Variants in ZNF578 observed in about 807,000 individuals in gnomAD.
ZNF578 encodes zinc finger protein 578.
Under a neutral mutation model 8.3 loss-of-function variants are expected in ZNF578, and 8 were observed. That is an observed-to-expected ratio of 0.96 (90% confidence interval 0.56 to 1.74). ZNF578 has a LOEUF of 1.74. ZNF578 is among the 40% of genes most tolerant of loss of function. The pLI is 0.00. For synonymous variants in ZNF578, 206 were observed against 232.2 expected (o/e 0.89, Z 1.03); for missense variants, 726 against 707.5 (o/e 1.03, Z -0.30).
chr19:52,511,654 A>G lies in ZNF578; in HGVS notation c.1273A>G (p.Lys425Glu). The G allele has an allele frequency of 1.9e-6, 3 of 1,614,084 alleles. No individual in the cohort carries two copies. Among genetic ancestry groups the G allele is most frequent in the Non-Finnish European group, 2.5e-6 (3 of 1,179,968 alleles). ...SRHHRLHTGE[K>E]PYKCNDCGKA... ...TCATCATAGACTTCATACTGGAGAG[A>G]AACCTTACAAGTGTAATGACTGTGG... The change falls in exon 6 of 6, where the codon AAA becomes GAA. Residue 425 changes from lysine (K) to glutamate (E), a missense_variant. Coordinates refer to ENST00000421239, the MANE Select transcript of ZNF578 (RefSeq NM_001099694.2).
chr19:52,508,826 C>T (rs1486545464), intron 5 of ZNF578, among the ~76,000 whole-genome samples: 4 of 148,464 alleles, frequency 2.7e-5, no homozygotes, highest in Non-Finnish European at 5.9e-5. Context: ...CTGATAATCG[C>T]TTTTAGCCAG....
intron 3 of ZNF578, among the ~76,000 whole-genome samples, chr19:52,496,369 A>G (rs1486451505): frequency 4.7e-5 from 7 of 148,726 alleles, no homozygotes; most frequent in African/African-American, 1.5e-4. Flanking sequence ...TCGCTCTGTC[A>G]CCCAGGCTGG....
chr19:52,498,223 C>T (rs1489010971), intron 3 of ZNF578, among the ~76,000 whole-genome samples: 1 of 152,020 alleles, frequency 6.6e-6, no homozygotes, highest in Non-Finnish European at 1.5e-5. Flanking sequence ...GTGACATGAT[C>T]TCAGCTCTCT....
intron 2 of ZNF578, among the ~76,000 whole-genome samples, chr19:52,463,560 A>AGTTATGC (rs1169342006): frequency 6.6e-6 from 1 of 151,752 alleles, no homozygotes; most frequent in East Asian, 1.9e-4. Context: ...CTAGGACATG[A>AGTTATGC]GTTATATAGA....
chr19:52,488,733 G>A (rs1445337762), intron 2 of ZNF578, among the ~76,000 whole-genome samples: 3 of 151,196 alleles, frequency 2.0e-5, no homozygotes, highest in South Asian at 2.1e-4. Flanking sequence ...GCAGTGAGCC[G>A]AGATTGCGTC....
At chr19:52,482,765 T>C (rs1315007848) in intron 2 of ZNF578, among the ~76,000 whole-genome samples, 1 of 151,996 alleles carries the variant, frequency 6.6e-6, no homozygotes, top group Non-Finnish European at 1.5e-5. Flanking sequence ...GGTAAAACCC[T>C]GTCTCTACCA....
rs1288594479 is a variant in ZNF578 at position 52,512,991 on chromosome 19, C to T, written c.*837C>T. ...GGTCAAGAGTTTGAAACAAGCATGG[C>T]CAAGAGATGTGAGCCAGTTTTCCCA... On this transcript the variant is annotated 3_prime_UTR_variant, in exon 6 of 6. Transcript: ENST00000421239. Among the ~76,000 whole-genome samples the T allele has an allele frequency of 6.6e-6, 1 of 151,824 alleles. No homozygotes were observed. The highest frequency in any genetic ancestry group is 2.4e-5 in the African/African-American group (1 of 41,310).
rs994628098 is a variant in ZNF578, at chr19:52,516,747, G to A, written c.*4593G>A. Among the ~76,000 whole-genome samples the A allele has an allele frequency of 2.0e-5, 3 of 152,054 alleles. No individual in the cohort carries two copies. Among genetic ancestry groups the A allele is most frequent in the African/African-American group, 4.8e-5 (2 of 41,402 alleles). ...GTGAGATCCACCCCCTGCCTGCAAA[G>A]CATTGCCCCTAACTCCACCGCCTGT... On this transcript the variant is annotated 3_prime_UTR_variant, in exon 6 of 6. Coordinates refer to ENST00000421239, the MANE Select transcript of ZNF578 (RefSeq NM_001099694.2).
At chr19:52,496,048 C>T (rs2059384927) in intron 3 of ZNF578, among the ~76,000 whole-genome samples, 1 of 152,028 alleles carries the variant, frequency 6.6e-6, no homozygotes, top group Non-Finnish European at 1.5e-5. Context: ...GAGATGGAGT[C>T]TCTCTCTGTC....
At chr19:52,482,320 C>T (rs1198851733) in intron 2 of ZNF578, among the ~76,000 whole-genome samples, 1 of 152,070 alleles carries the variant, frequency 6.6e-6, no homozygotes, top group Non-Finnish European at 1.5e-5. Context: ...AGGCGTAAGC[C>T]ACCACGCCCA....
At chr19:52,496,324 T>TATTTATTTATTTA (rs1301134040) in intron 3 of ZNF578, among the ~76,000 whole-genome samples, 3 of 123,332 alleles carry the variant, frequency 2.4e-5, no homozygotes, top group Non-Finnish European at 3.7e-5. Context: ...CCTCATTTGT[T>TATTTATTTATTTA]GTTATTTATT....
intron 2 of ZNF578, among the ~76,000 whole-genome samples, chr19:52,485,711 G>A (rs1599897372): frequency 6.6e-6 from 1 of 152,310 alleles, no homozygotes; most frequent in East Asian, 1.9e-4. Flanking sequence ...TTGACTCAAG[G>A]TTTAATGGAT....
intron 2 of ZNF578, among the ~76,000 whole-genome samples, chr19:52,490,677 ACC>A: frequency 6.6e-6 from 1 of 150,800 alleles, no homozygotes; most frequent in East Asian, 2.0e-4. Flanking sequence ...TTGCTCTGTC[ACC>A]CAGGCTGGAG....
intron 2 of ZNF578, among the ~76,000 whole-genome samples, chr19:52,470,679 C>G (rs2059289175): frequency 6.6e-6 from 1 of 152,124 alleles, no homozygotes; most frequent in Non-Finnish European, 1.5e-5. Context: ...CTTGCTGGGT[C>G]TTCTGGCTCT....
chr19:52,503,093 T>C (rs1255292879), intron 4 of ZNF578, among the ~76,000 whole-genome samples: 1 of 152,222 alleles, frequency 6.6e-6, no homozygotes, highest in African/African-American at 2.4e-5. Flanking sequence ...GGTTTCATTA[T>C]GTTCTTTAGG....
At chr19:52,508,614 A>G (rs1193473645) in intron 5 of ZNF578, among the ~76,000 whole-genome samples, 1 of 151,558 alleles carries the variant, frequency 6.6e-6, no homozygotes, top group Non-Finnish European at 1.5e-5. Flanking sequence ...CTTAACCAAC[A>G]GGAGAAACCC....
chr19:52,483,138 G>C (rs540898870), intron 2 of ZNF578, among the ~76,000 whole-genome samples: 1 of 152,060 alleles, frequency 6.6e-6, no homozygotes, highest in African/African-American at 2.4e-5. Flanking sequence ...AGTCCTGGCC[G>C]TGCGCGGTGG....
At chr19:52,484,842 A>G (rs1457619578) in intron 2 of ZNF578, among the ~76,000 whole-genome samples, 5 of 148,592 alleles carry the variant, frequency 3.4e-5, no homozygotes, top group African/African-American at 7.5e-5. Flanking sequence ...CCCCACCCCT[A>G]TCTCCCTTCA....
intron 2 of ZNF578, among the ~76,000 whole-genome samples, chr19:52,462,510 G>A (rs2059261946): frequency 6.6e-6 from 1 of 152,128 alleles, no homozygotes; most frequent in Admixed American, 6.5e-5. Flanking sequence ...TGCCCAATAG[G>A]TATAATTTTG....
Sources: gnomAD v4.1 joint callset for allele counts (sites outside exome capture counted in the v4.1 genomes callset) on GRCh38, gnomAD v4.1.1 for gene constraint, MANE v1.5 for transcripts, NCBI Gene and HGNC (gene_info 2026-07-23, HGNC 2026-07-21) for gene names.